ABCC3: variants seen among roughly 807,000 people sequenced by gnomAD.
ABCC3 encodes ATP binding cassette subfamily C member 3, also known as ATP-binding cassette sub-family C member 3.
Under a neutral mutation model 165.3 loss-of-function variants are expected in ABCC3, and 121 were observed. The ratio of observed to expected loss-of-function variants is 0.73; its 90% CI spans 0.63 to 0.85. ABCC3 has a LOEUF of 0.85. ABCC3 is among the 40% of genes least tolerant of loss of function. The probability of loss-of-function intolerance (pLI) is 0.00; values close to 1 mark genes in which losing one functional copy is unlikely to be tolerated. For missense variants in ABCC3, 1,869 were observed against 1,964.1 expected (o/e 0.95, Z 0.92); for synonymous variants, 733 against 810.1 (o/e 0.90, Z 1.62).
At chr17:50,674,753 G>A (rs558487696) in intron 19 of ABCC3, among the ~76,000 whole-genome samples, 12 of 150,650 alleles carry the variant, frequency 8.0e-5, no homozygotes, top group South Asian at 4.2e-4. Flanking sequence ...TGTGCCCCTC[G>A]CTCACACACT....
chr17:50,650,703 C>CT (rs1210481056), intron 1 of ABCC3, among the ~76,000 whole-genome samples: 1 of 152,026 alleles, frequency 6.6e-6, no homozygotes, highest in Non-Finnish European at 1.5e-5. Flanking sequence ...TCTTACCTTC[C>CT]TTGTATATTT....
chr17:50,645,200 T>TAAA (rs564267933), intron 1 of ABCC3, among the ~76,000 whole-genome samples: 2 of 118,342 alleles, frequency 1.7e-5, no homozygotes, highest in Non-Finnish European at 3.6e-5. Context: ...GACTTGGCCT[T>TAAA]AAAAAAAAAA....
intron 11 of ABCC3, among the ~76,000 whole-genome samples, chr17:50,667,319 C>T (rs979415632): frequency 2.0e-5 from 3 of 151,988 alleles, no homozygotes; most frequent in Admixed American, 6.6e-5. Flanking sequence ...CTGGGGAGGC[C>T]GGTGCAGTGG....
chr17:50,661,034 C>T lies in ABCC3; in HGVS notation c.918C>T (p.Thr306=), dbSNP rs752291847. ...CCTTCCTGAAGGCCCTGCTGGCCAC[C>T]TTCGGCTCCAGCTTCCTCATCAGTG... The part of the protein sequence containing the change: ...KPSFLKALLA[T]FGSSFLISAC... Residue 306 remains threonine, a synonymous_variant, in exon 8 of 31, where the codon ACC becomes ACT. Transcript: ENST00000285238. 1 of 1,614,238 alleles carries T rather than the reference C, an allele frequency of 6.2e-7. No individual in the cohort carries two copies. Among genetic ancestry groups the T allele is most frequent in the Non-Finnish European group, 8.5e-7 (1 of 1,180,032 alleles).
At chr17:50,669,290 G>A in intron 16 of ABCC3, 24 bp downstream of exon 16, 1 of 1,614,088 alleles carries the variant, frequency 6.2e-7, no homozygotes, top group Non-Finnish European at 8.5e-7. Flanking sequence ...GGGCTCCTGG[G>A]CAGGGTGTGG....
intron 30 of ABCC3, among the ~76,000 whole-genome samples, chr17:50,689,156 A>G (rs1395176764): frequency 2.0e-5 from 3 of 152,210 alleles, no homozygotes; most frequent in Non-Finnish European, 4.4e-5. Flanking sequence ...ACTGCACTCT[A>G]GCCTGGGTGC....
Position 50,683,872 on chromosome 17 carries a change from G to A in ABCC3, c.3955-77G>A, listed in dbSNP as rs780343921. 1.2e-4 allele frequency: 184 copies of A among 1,562,716 alleles called. 1 individual carries two copies. The highest frequency in any genetic ancestry group is 1.5e-4 in the Non-Finnish European group (174 of 1,156,068). ...AAGTGCTCCAGCCACATGTTTGTTCGGCCTCCAGGAGAGTCCTGGAGATGC... is the reference window on the plus strand; with the variant it reads ...AAGTGCTCCAGCCACATGTTTGTTCAGCCTCCAGGAGAGTCCTGGAGATGC... On this transcript the variant is annotated intron_variant, in intron 27 of 30. Transcript: ENST00000285238.
Position 50,656,801 on chromosome 17 carries a change from AC to A in ABCC3, c.327del (p.Leu110TrpfsTer13), listed in dbSNP as rs773948530. The A allele has an allele frequency of 3.1e-6, 5 of 1,611,008 alleles. No individual in the cohort carries two copies. Among genetic ancestry groups the A allele is most frequent in the Non-Finnish European group, 3.4e-6 (4 of 1,179,080 alleles). On this transcript the variant is annotated frameshift_variant, in exon 3 of 31. Coordinates refer to ENST00000285238, the MANE Select transcript of ABCC3 (RefSeq NM_003786.4). LOFTEE classifies it high-confidence loss of function. ...GGCCCCTGCCCCTGTTTTCTTTGTC[AC>A]CCCCTTGGTGGTGGGGGTCACCATG... is the stretch of plus-strand genomic sequence containing the variant. The part of the protein sequence containing the change: ...GRAPAPVFFV[T>X]PLVVGVTMLL...
chr17:50,656,994 G>T, intron 3 of ABCC3, 52 bp from the exon 4 acceptor site: 1 of 1,575,546 alleles, frequency 6.3e-7, no homozygotes, highest in South Asian at 1.2e-5. Context: ...AGAAATGGAG[G>T]CAGGTCCAGA....
At chr17:50,655,794 G>A (rs373210147) in intron 1 of ABCC3, 38 bp from the exon 2 acceptor site, 6 of 1,598,266 alleles carry the variant, frequency 3.8e-6, no homozygotes, top group African/African-American at 2.7e-5. Context: ...ATTCTCTGTG[G>A]GGCTGCCACA....
intron 1 of ABCC3, among the ~76,000 whole-genome samples, chr17:50,638,296 C>T (rs948020610): frequency 6.6e-6 from 1 of 152,104 alleles, no homozygotes; most frequent in African/African-American, 2.4e-5. Context: ...TTACCCCCCG[C>T]CAGATAAACA....
At position 50,673,899 on chromosome 17, in the gene ABCC3, G is replaced by GTTTTCTTTCTTTCTTTCT. The variant is rs1567835369; in HGVS notation, c.2599+244_2599+261dup. ...ATCCTCCGCCCCGGTCTCAGAGCCT[G>GTTTTCTTTCTTTCTTTCT]TTTTCTTTCTTTCTTTCTTTCTTTC... On this transcript the variant is annotated intron_variant, in intron 19 of 30. Transcript: ENST00000285238. Among the ~76,000 whole-genome samples, 15 of 129,306 alleles carry GTTTTCTTTCTTTCTTTCT rather than the reference G, an allele frequency of 1.2e-4. 1 individual carries two copies. Among genetic ancestry groups the GTTTTCTTTCTTTCTTTCT allele is most frequent in the African/African-American group, 3.9e-4 (14 of 35,568 alleles). The allele number at this position is 129,306 out of a possible 152,430, so 84.8% of individuals were successfully genotyped here. A position where few individuals can be genotyped will look rare whatever the true frequency, so the allele number is the denominator to read the frequency against.
rs1339817185 is a variant in ABCC3 at position 50,634,957 on chromosome 17, CG to C, written c.25del (p.Glu9SerfsTer114). ...GCCCCATGGACGCCCTGTGCGGTTC[CG>C]GGGAGCTCGGCTCCAAGTTCTGGGT... Reference protein sequence around the residue: MDALCGSGELGSKFWDSN... With the variant: MDALCGSXELGSKFWDSN... On this transcript the variant is annotated frameshift_variant, in exon 1 of 31. Transcript: ENST00000285238. LOFTEE classifies it high-confidence loss of function. 1.6e-6 allele frequency: 2 copies of C among 1,260,546 alleles called. No homozygotes were observed. Among genetic ancestry groups the C allele is most frequent in the East Asian group, 3.1e-5 (1 of 32,500 alleles). 78.1% of individuals were successfully genotyped at this position (1,260,546 alleles called of 1,614,324 possible). A position where few individuals can be genotyped will look rare whatever the true frequency, so the allele number is the denominator to read the frequency against.
intron 1 of ABCC3, among the ~76,000 whole-genome samples, chr17:50,637,010 A>G (rs1328721617): frequency 6.6e-6 from 1 of 152,154 alleles, no homozygotes; most frequent in Non-Finnish European, 1.5e-5. Context: ...TGAGCCTTTG[A>G]GCCTCTGGGC....
At position 50,677,820 on chromosome 17, in the gene ABCC3, C is replaced by T. The variant is rs759969886; in HGVS notation, c.3455C>T (p.Ser1152Leu). Residue 1152 changes from serine (S) to leucine (L), a missense_variant, in exon 24 of 31, where the codon TCG becomes TTG. By Grantham distance (145) the Ser-to-Leu change is moderately radical (BLOSUM62 -2). Coordinates refer to ENST00000285238, the MANE Select transcript of ABCC3 (RefSeq NM_003786.4). The stretch of plus-strand genomic sequence containing the variant: ...CGCTCACCTATCTACTCCCACTTTT[C>T]GGAGACAGTGACTGGTGCCAGTGTC... ...VSRSPIYSHF[S>L]ETVTGASVIR... The T allele has an allele frequency of 3.5e-5, 57 of 1,614,034 alleles. No individual in the cohort carries two copies. Among genetic ancestry groups the T allele is most frequent in the Middle Eastern group, 1.6e-4 (1 of 6,084 alleles).
At chr17:50,663,880 G>A in intron 9 of ABCC3, 22 bp downstream of exon 9, 1 of 1,614,192 alleles carries the variant, frequency 6.2e-7, no homozygotes, top group South Asian at 1.1e-5. Flanking sequence ...CAGGGCCCAG[G>A]GGAAAGGCTG....
At position 50,664,228 on chromosome 17, in the gene ABCC3, G is replaced by A. The variant is rs534639658; in HGVS notation, c.1338+117G>A. ...TGCTTGTAGTCCCAGCTGCTCAGGC[G>A]GCTGAGGCAAGAGGATCACTTGAGC... is the stretch of plus-strand genomic sequence containing the variant. On this transcript the variant is annotated intron_variant, in intron 10 of 30. Transcript: ENST00000285238. The A allele has an allele frequency of 5.0e-4, 701 of 1,402,848 alleles. 3 individuals are homozygous for A. The highest frequency in any genetic ancestry group is 1.1e-3 in the Admixed American group (60 of 52,676). 86.9% of individuals were successfully genotyped at this position (1,402,848 alleles called of 1,614,324 possible).
intron 1 of ABCC3, among the ~76,000 whole-genome samples, chr17:50,646,110 C>A (rs548401917): frequency 2.0e-5 from 3 of 151,824 alleles, no homozygotes; most frequent in African/African-American, 4.8e-5. Context: ...AAAGAAAAAG[C>A]GGAGAAGGGT....
chr17:50,650,578 A>G (rs1296323719), intron 1 of ABCC3, among the ~76,000 whole-genome samples: 2 of 152,126 alleles, frequency 1.3e-5, no homozygotes, highest in African/African-American at 2.4e-5. Flanking sequence ...AAAATCAGTC[A>G]TTTCACTTTA....
Sources: gnomAD v4.1 joint callset for allele counts (sites outside exome capture counted in the v4.1 genomes callset) on GRCh38, gnomAD v4.1.1 for gene constraint, MANE v1.5 for transcripts, NCBI Gene and HGNC (gene_info 2026-07-23, HGNC 2026-07-21) for gene names.